WIPF3: variants seen among roughly 807,000 people sequenced by gnomAD.
The protein encoded by WIPF3 is WAS/WASL-interacting protein family member 3.
A neutral mutation model predicts 38.9 loss-of-function variants in WIPF3; 33 were observed. The observed-to-expected ratio is 0.85, with a 90% CI of 0.64 to 1.14. WIPF3 has a LOEUF of 1.14. WIPF3 is among the 50% of genes most tolerant of loss of function. The pLI is 0.00. For synonymous variants in WIPF3, 324 were observed against 269.3 expected (o/e 1.20, Z -1.99); for missense variants, 711 against 652.5 (o/e 1.09, Z -0.98).
intron 7 of WIPF3, among the ~76,000 whole-genome samples, chr7:29,889,932 A>G (rs1583622090): frequency 6.6e-6 from 1 of 152,230 alleles, no homozygotes; most frequent in Non-Finnish European, 1.5e-5. Context: ...AGGATTTTTA[A>G]AAGCTGCCAG....
chr7:29,909,299 A>G (rs979824467), intron 8 of WIPF3, among the ~76,000 whole-genome samples: 1 of 152,192 alleles, frequency 6.6e-6, no homozygotes, highest in Admixed American at 6.5e-5. Context: ...GAAGAAAATT[A>G]AAACAGAGAT....
chr7:29,909,966 A>T (rs1583632593), intron 8 of WIPF3, among the ~76,000 whole-genome samples: 1 of 152,086 alleles, frequency 6.6e-6, no homozygotes, highest in African/African-American at 2.4e-5. Context: ...GGAGTTGGGG[A>T]TGGTTAATTG....
chr7:29,887,285 G>GCACAGATAGTAATAATGTAATTGTCA (rs1314411906), intron 5 of WIPF3, among the ~76,000 whole-genome samples: 19 of 152,342 alleles, frequency 1.2e-4, no homozygotes, highest in Admixed American at 3.3e-4. Context: ...GAACATCTTA[G>GCACAGATAGTAATAATGTAATTGTCA]CACAGATAGT....
chr7:29,871,196 A>G (rs1212444230), intron 2 of WIPF3, among the ~76,000 whole-genome samples: 1 of 152,168 alleles, frequency 6.6e-6, no homozygotes, highest in Non-Finnish European at 1.5e-5. Context: ...TCTCTTTTGG[A>G]TTCCAGGTTC....
chr7:29,874,481 C>T (rs994600849), intron 2 of WIPF3, among the ~76,000 whole-genome samples: 3 of 151,988 alleles, frequency 2.0e-5, no homozygotes, highest in Admixed American at 1.3e-4. Flanking sequence ...CAGTGAATGG[C>T]CTTATTTAGA....
intron 2 of WIPF3, among the ~76,000 whole-genome samples, chr7:29,860,441 CTCTCTTACCA>C (rs1785256191): frequency 1.3e-5 from 2 of 152,236 alleles, no homozygotes; most frequent in South Asian, 4.2e-4. Flanking sequence ...CTCTTCCTTC[CTCTCTTACCA>C]TGTGATCTGG....
intron 7 of WIPF3, among the ~76,000 whole-genome samples, chr7:29,891,271 G>T (rs376105366): frequency 8.0e-6 from 1 of 125,134 alleles, no homozygotes; most frequent in African/African-American, 3.0e-5. Context: ...TGGAGGGGGC[G>T]AGGGCCTGCC....
intron 2 of WIPF3, among the ~76,000 whole-genome samples, chr7:29,869,047 G>C (rs1453843303): frequency 6.9e-6 from 1 of 145,280 alleles, no homozygotes; most frequent in Non-Finnish European, 1.5e-5. Context: ...TTCATTTTTT[G>C]AGATGGAGTT....
intron 7 of WIPF3, among the ~76,000 whole-genome samples, chr7:29,897,351 A>G (rs572990717): frequency 1.8e-4 from 27 of 152,338 alleles, no homozygotes; most frequent in Non-Finnish European, 3.1e-4. Context: ...GCTGGATCGT[A>G]TGGTAATTCC....
intron 2 of WIPF3, among the ~76,000 whole-genome samples, chr7:29,864,500 G>A (rs1256740673): frequency 2.6e-5 from 4 of 152,276 alleles, no homozygotes; most frequent in Non-Finnish European, 5.9e-5. Context: ...CTCTACAAAT[G>A]TCTCTAAAAG....
intron 7 of WIPF3, among the ~76,000 whole-genome samples, chr7:29,899,319 T>C (rs1786224541): frequency 6.6e-6 from 1 of 152,256 alleles, no homozygotes; most frequent in South Asian, 2.1e-4. Context: ...CTGACTACCC[T>C]GTATAAGACA....
At chr7:29,874,297 G>T (rs1290127100) in intron 2 of WIPF3, among the ~76,000 whole-genome samples, 1 of 151,958 alleles carries the variant, frequency 6.6e-6, no homozygotes, top group Non-Finnish European at 1.5e-5. Context: ...CTACTCTTCG[G>T]GGATATTTTT....
intron 2 of WIPF3, among the ~76,000 whole-genome samples, chr7:29,853,490 C>G (rs1785138467): frequency 6.6e-6 from 1 of 152,238 alleles, no homozygotes; most frequent in African/African-American, 2.4e-5. Flanking sequence ...CCCTCCACCA[C>G]AGTGCATCCC....
At chr7:29,874,323 A>G (rs61521591) in intron 2 of WIPF3, among the ~76,000 whole-genome samples, 45,265 of 152,020 alleles carry the variant, frequency 0.3, 7,186 homozygotes, top group African/African-American at 0.38. Context: ...CAAAACAGAC[A>G]GAATATTTTT....
Position 29,904,259 on chromosome 7 carries a change from T to TA in WIPF3, c.1352-25dup, listed in dbSNP as rs774110793. ...CACACCCGGTCCCTGGGCCAATAGA[T>TA]AATGAGATTGTTCTTTTTTCCTTCA... On this transcript the variant is annotated intron_variant, in intron 7 of 8. Transcript: ENST00000242140. 39 of 1,612,370 alleles carry TA rather than the reference T, an allele frequency of 2.4e-5. 1 individual carries two copies. The South Asian group carries it at 4.0e-4, about 16-fold the overall frequency.
At chr7:29,912,190 A>G (rs1786516743) in intron 8 of WIPF3, among the ~76,000 whole-genome samples, 1 of 152,228 alleles carries the variant, frequency 6.6e-6, no homozygotes, top group Non-Finnish European at 1.5e-5. Context: ...CAGCATCACT[A>G]ATCATTAGAG....
intron 2 of WIPF3, among the ~76,000 whole-genome samples, chr7:29,846,616 G>T (rs555338980): frequency 3.3e-5 from 5 of 152,320 alleles, no homozygotes; most frequent in African/African-American, 1.2e-4. Context: ...CAGGAGAATC[G>T]CTTGAACCTG....
At chr7:29,872,616 AC>A (rs1785515386) in intron 2 of WIPF3, among the ~76,000 whole-genome samples, 1 of 151,220 alleles carries the variant, frequency 6.6e-6, no homozygotes, top group Non-Finnish European at 1.5e-5. Context: ...ACACCGTAAA[AC>A]CCCGTCTCTA....
At chr7:29,811,976 G>A (rs1277140183) in intron 1 of WIPF3, among the ~76,000 whole-genome samples, 5 of 152,192 alleles carry the variant, frequency 3.3e-5, no homozygotes, top group African/African-American at 1.2e-4. Context: ...CCATTTAAAT[G>A]AGCCAAATCA....
Sources: gnomAD v4.1 joint callset for allele counts (sites outside exome capture counted in the v4.1 genomes callset) on GRCh38, gnomAD v4.1.1 for gene constraint, MANE v1.5 for transcripts, NCBI Gene and HGNC (gene_info 2026-07-23, HGNC 2026-07-21) for gene names.